Variants in SLC7A5 observed in about 807,000 individuals in gnomAD.
SLC7A5 encodes the protein solute carrier family 7 member 5.
In SLC7A5, 23 loss-of-function variants were observed where a neutral mutation model predicts 50.2. The ratio of observed to expected loss-of-function variants is 0.46; its 90% CI spans 0.33 to 0.65. The LOEUF (loss-of-function observed/expected upper bound fraction) is 0.65. Among genes scored for constraint, SLC7A5 ranks in the 30% least tolerant of loss-of-function variants. SLC7A5 has a pLI of 0.02. For synonymous variants in SLC7A5, 393 were observed against 330.6 expected (o/e 1.19, Z -2.05); for missense variants, 578 against 684.4 (o/e 0.84, Z 1.73).
rs1294711623 is a variant in SLC7A5 at position 87,853,281 on chromosome 16, T to C, written c.539-1432A>G. On this transcript the variant is annotated intron_variant, in intron 1 of 9. Transcript: ENST00000261622. The surrounding 1 kb of genome is among the most constrained non-coding windows in gnomAD (Gnocchi z 4.4). ...TAATGACACCGGAAACGTCCTGAGG[T>C]GCGGGACGGGCTGCCGCCTGCCTAT... Among the ~76,000 whole-genome samples, 1 of 152,160 alleles carries C rather than the reference T, an allele frequency of 6.6e-6. No homozygotes were observed. The highest frequency in any genetic ancestry group is 2.4e-5 in the African/African-American group (1 of 41,430).
At chr16:87,836,198 G>A (rs940712638) in intron 8 of SLC7A5, among the ~76,000 whole-genome samples, 6 of 152,226 alleles carry the variant, frequency 3.9e-5, no homozygotes, top group Non-Finnish European at 8.8e-5. Context: ...CCCCGCCCCT[G>A]CCGGGGCTCA....
chr16:87,867,479 G>A (rs1273853928), intron 1 of SLC7A5, among the ~76,000 whole-genome samples: 1 of 152,146 alleles, frequency 6.6e-6, no homozygotes, highest in African/African-American at 2.4e-5. Flanking sequence ...TCGACTCAGA[G>A]CCTCAGAGAA....
Position 87,869,037 on chromosome 16 carries a change from G to A in SLC7A5, c.386C>T (p.Ala129Val). 1 of 1,611,668 alleles carries A rather than the reference G, an allele frequency of 6.2e-7. No individual in the cohort carries two copies. The highest frequency in any genetic ancestry group is 8.5e-7 in the Non-Finnish European group (1 of 1,179,806). ...YMLEVYGSLP[A>V]FLKLWIELLI... ...CAGCTCGATCCAGAGCTTGAGGAAG[G>A]CGGGCAGCGAGCCGTAGACCTCCAG... The change falls in exon 1 of 10, where the codon GCC (alanine) becomes GTC (valine). Residue 129 changes from alanine (A) to valine (V), a missense_variant. Ala to Val is a moderately conservative substitution (Grantham distance 64, BLOSUM62 0). Coordinates refer to ENST00000261622, the MANE Select transcript of SLC7A5 (RefSeq NM_003486.7).
At position 87,869,292 on chromosome 16, in the gene SLC7A5, A is replaced by G; in HGVS notation, c.131T>C (p.Val44Ala). The part of the protein sequence containing the change: ...GSAPAGEGEG[V>A]TLQRNITLLN... Reference sequence around the variant, plus strand: ...CAGCGTGATGTTCCGCTGCAGGGTCACGCCCTCGCCCTCGCCTGCCGGCGC... The same window carrying G: ...CAGCGTGATGTTCCGCTGCAGGGTCGCGCCCTCGCCCTCGCCTGCCGGCGC... The change falls in exon 1 of 10, where the codon GTG becomes GCG. Residue 44 changes from valine to alanine, a missense_variant. By Grantham distance (64) the Val-to-Ala change is moderately conservative. Coordinates refer to ENST00000261622, the MANE Select transcript of SLC7A5 (RefSeq NM_003486.7). The G allele has an allele frequency of 6.2e-7, 1 of 1,611,668 alleles. No homozygotes were observed. Among genetic ancestry groups the G allele is most frequent in the Non-Finnish European group, 8.5e-7 (1 of 1,179,762 alleles).
intron 2 of SLC7A5, 149 bp downstream of exon 2, chr16:87,851,575 G>T: frequency 9.5e-7 from 1 of 1,049,290 alleles, no homozygotes; most frequent in Non-Finnish European, 1.4e-6. Flanking sequence ...TCACTTGCTG[G>T]GTGATTTTCC....
At chr16:87,868,560 C>A (rs1246666738) in intron 1 of SLC7A5, among the ~76,000 whole-genome samples, 1 of 152,206 alleles carries the variant, frequency 6.6e-6, no homozygotes, top group Non-Finnish European at 1.5e-5. Flanking sequence ...ACGCAAGAGG[C>A]TGGGAGTATT....
chr16:87,832,864 T>G lies in SLC7A5; in HGVS notation c.*106A>C. The G allele has an allele frequency of 3.4e-6, 3 of 889,306 alleles. No individual in the cohort carries two copies. The highest frequency in any genetic ancestry group is 3.8e-6 in the Non-Finnish European group (2 of 527,072). 55.1% of individuals were successfully genotyped at this position (889,306 alleles called of 1,614,324 possible). A position where few individuals can be genotyped will look rare whatever the true frequency, so the allele number is the denominator to read the frequency against. On this transcript the variant is annotated 3_prime_UTR_variant, in exon 10 of 10. Coordinates refer to ENST00000261622, the MANE Select transcript of SLC7A5 (RefSeq NM_003486.7). This position sits in a 1 kb window ranked among gnomAD's most constrained non-coding sequence, Gnocchi z 4.6. ...TGGGAGGGACGGCGAGGGACTGGGA[T>G]GGGCAGCTGAGCTGTGGGTTGCGGG...
At chr16:87,858,645 TCTC>T (rs1263222267) in intron 1 of SLC7A5, among the ~76,000 whole-genome samples, 16 of 152,074 alleles carry the variant, frequency 1.1e-4, no homozygotes, top group Admixed American at 7.2e-4. Flanking sequence ...GACATCCAGG[TCTC>T]CTAAATCTCA....
In SLC7A5 at chr16:87,844,834, T is replaced by C. The variant is rs147903902; in HGVS notation, c.665-3679A>G. Among the ~76,000 whole-genome samples the C allele has an allele frequency of 1.4e-3, 210 of 152,388 alleles. 1 individual carries two copies. The highest frequency in any genetic ancestry group is 4.9e-3 in the African/African-American group (202 of 41,604). On this transcript the variant is annotated intron_variant, in intron 2 of 9. Coordinates refer to ENST00000261622, the MANE Select transcript of SLC7A5 (RefSeq NM_003486.7). ...CCTTGGGGCTCTAGGTGGAGTGTGC[T>C]GAACAGTGTCCCCAAAATTCACGTC... is the stretch of plus-strand genomic sequence containing the variant.
chr16:87,841,092 A>G lies in SLC7A5; in HGVS notation c.728T>C (p.Ile243Thr), dbSNP rs1412083892. The change falls in exon 3 of 10, where the codon ATT (isoleucine) becomes ACT (threonine). Residue 243 changes from isoleucine (I) to threonine (T), a missense_variant. Around this residue, in one of 2 missense-constraint regions of SLC7A5, gnomAD observed 465 missense variants for 594.6 expected, o/e 0.78. Coordinates refer to ENST00000261622, the MANE Select transcript of SLC7A5 (RefSeq NM_003486.7). The surrounding 1 kb of genome is among the most constrained non-coding windows in gnomAD (Gnocchi z 4.8). ...GAGGCCGCTGTATAATGCCAGCACA[A>G]TGTTCCCCACATCCAGTTTGGTGCC... ...FEGTKLDVGNIVLALYSGLFA... is the reference protein window; with the variant it reads ...FEGTKLDVGNTVLALYSGLFA... 3 of 1,613,944 alleles carry G rather than the reference A, an allele frequency of 1.9e-6. No individual in the cohort carries two copies. Among genetic ancestry groups the G allele is most frequent in the Admixed American group, 1.7e-5 (1 of 60,024 alleles).
intron 1 of SLC7A5, among the ~76,000 whole-genome samples, chr16:87,858,502 G>A (rs969239657): frequency 7.2e-5 from 11 of 152,146 alleles, no homozygotes; most frequent in Non-Finnish European, 1.5e-4. Flanking sequence ...CTCCAGTCAC[G>A]GTATTGTGGA....
chr16:87,856,399 G>A (rs183005175), intron 1 of SLC7A5, among the ~76,000 whole-genome samples: 1 of 152,292 alleles, frequency 6.6e-6, no homozygotes, highest in Admixed American at 6.5e-5. Context: ...TCAGTTCCAG[G>A]AAGCCCAGGC....
chr16:87,837,812 G>A (rs749682901), intron 7 of SLC7A5, 33 bp downstream of exon 7: 12 of 1,557,294 alleles, frequency 7.7e-6, no homozygotes, highest in Admixed American at 3.7e-5. Flanking sequence ...AACCCCCAGG[G>A]ATGTAGGGCA....
Position 87,832,898 on chromosome 16 carries a change from G to T in SLC7A5, c.*72C>A. ...GAGCTGTGGGTTGCGGGGAACCGGA[G>T]TGGGTTCGAGGAGGTGATCTACTTT... On this transcript the variant is annotated 3_prime_UTR_variant, in exon 10 of 10. Coordinates refer to ENST00000261622, the MANE Select transcript of SLC7A5 (RefSeq NM_003486.7). This position sits in a 1 kb window ranked among gnomAD's most constrained non-coding sequence, Gnocchi z 4.6. 4 of 1,256,976 alleles carry T rather than the reference G, an allele frequency of 3.2e-6. No homozygotes were observed. The highest frequency in any genetic ancestry group is 2.3e-5 in the East Asian group (1 of 43,070). The allele number at this position is 1,256,976 out of a possible 1,614,324, so 77.9% of individuals were successfully genotyped here.
intron 1 of SLC7A5, among the ~76,000 whole-genome samples, chr16:87,865,121 T>G (rs1469746771): frequency 5.9e-5 from 9 of 152,130 alleles, no homozygotes; most frequent in Non-Finnish European, 1.3e-4. Context: ...TTCTCTTTCT[T>G]GCCTTACACA....
At chr16:87,838,564 A>T (rs1212420406) in intron 6 of SLC7A5, 150 bp downstream of exon 6, 1 of 710,888 alleles carries the variant, frequency 1.4e-6, no homozygotes, top group African/African-American at 1.7e-5. Flanking sequence ...AAGTGCTGGG[A>T]TTACAGGTAT....
Position 87,868,937 on chromosome 16 carries a change from G to C in SLC7A5, c.486C>G (p.Pro162=). ...FATYLLKPLF[P]TCPVPEEAAK... is the part of the protein sequence containing the mutation. ...CTGCCTCCTCGGGCACCGGGCAGGT[G>C]GGGAAGAGCGGCTTGAGCAGGTAGG... Residue 162 remains proline, a synonymous_variant, in exon 1 of 10, where the codon CCC becomes CCG. Coordinates refer to ENST00000261622, the MANE Select transcript of SLC7A5 (RefSeq NM_003486.7). 6.2e-7 allele frequency: 1 copy of C among 1,610,464 alleles called. No homozygotes were observed. Among genetic ancestry groups the C allele is most frequent in the Non-Finnish European group, 8.5e-7 (1 of 1,179,404 alleles).
chr16:87,851,256 T>C (rs2055218810), intron 2 of SLC7A5, among the ~76,000 whole-genome samples: 1 of 152,016 alleles, frequency 6.6e-6, no homozygotes, highest in South Asian at 2.1e-4. Flanking sequence ...CACCTGCCCA[T>C]GGAATGATGA....
intron 3 of SLC7A5, among the ~76,000 whole-genome samples, 160 bp from the exon 4 acceptor site, chr16:87,840,633 C>T (rs141828193): frequency 0.01 from 1,541 of 152,264 alleles, 20 homozygotes; most frequent in African/African-American, 0.035. Context: ...CAGCCTCCTG[C>T]GTGTTCCGGG....
Sources: gnomAD v4.1 joint callset for allele counts (sites outside exome capture counted in the v4.1 genomes callset) on GRCh38, gnomAD v4.1.1 for gene constraint, gnomAD v4.1.1 regional missense constraint, Gnocchi (gnomAD v3.1) non-coding constraint, MANE v1.5 for transcripts, NCBI Gene and HGNC (gene_info 2026-07-23, HGNC 2026-07-21) for gene names.